Variants in FGGY observed in about 807,000 individuals in gnomAD.
FGGY encodes FGGY carbohydrate kinase domain-containing protein.
FGGY carries 72 observed loss-of-function variants against 71.3 expected under a neutral mutation model. That is an observed-to-expected ratio of 1.01 (90% CI 0.84 to 1.23). FGGY has a LOEUF of 1.23. Among genes scored for constraint, FGGY ranks in the 50% most tolerant of loss-of-function variants. FGGY has a pLI of 0.00. For missense variants in FGGY, 668 were observed against 682.3 expected, an observed-to-expected ratio of 0.98 and a Z score of 0.23; for synonymous variants, 251 against 250.3, an observed-to-expected ratio of 1.00 and a Z score of -0.02.
intron 1 of FGGY, among the ~76,000 whole-genome samples, chr1:59,317,550 A>G (rs1329930221): frequency 6.6e-6 from 1 of 152,234 alleles, no homozygotes; most frequent in Admixed American, 6.5e-5. Flanking sequence ...GCATAAGATT[A>G]GGAGTCTAGG....
At chr1:59,712,430 C>G (rs1315693368) in intron 14 of FGGY, among the ~76,000 whole-genome samples, 1 of 152,226 alleles carries the variant, frequency 6.6e-6, no homozygotes, top group Non-Finnish European at 1.5e-5. Context: ...CTCAGCTCCA[C>G]TAGGCGGTAC....
intron 5 of FGGY, among the ~76,000 whole-genome samples, chr1:59,380,197 CA>C (rs2059234470): frequency 6.6e-6 from 1 of 151,526 alleles, no homozygotes; most frequent in African/African-American, 2.4e-5. Flanking sequence ...GTCTATCATT[CA>C]TGGACATTTG....
At chr1:59,576,669 GACAGACAGACAC>G (rs2096082545) in intron 8 of FGGY, among the ~76,000 whole-genome samples, 16 of 132,584 alleles carry the variant, frequency 1.2e-4, no homozygotes, top group Admixed American at 1.1e-3. Context: ...CAGACAGACA[GACAGACAGACAC>G]ACACACACAC....
intron 6 of FGGY, among the ~76,000 whole-genome samples, chr1:59,472,170 G>C (rs1002009987): frequency 6.6e-6 from 1 of 152,240 alleles, no homozygotes; most frequent in African/African-American, 2.4e-5. Context: ...CAGTGCTTGC[G>C]GGCCAGCGTG....
chr1:59,669,568 A>G (rs151095713), intron 13 of FGGY, among the ~76,000 whole-genome samples: 1 of 78,878 alleles, frequency 1.3e-5, no homozygotes, highest in Non-Finnish European at 2.6e-5. Context: ...TTTTTTTTGT[A>G]TTTTTTGGTA....
At chr1:59,592,473 G>T (rs1022977374) in intron 8 of FGGY, among the ~76,000 whole-genome samples, 1 of 152,178 alleles carries the variant, frequency 6.6e-6, no homozygotes, top group Non-Finnish European at 1.5e-5. Flanking sequence ...CTGGTATAAA[G>T]ACACATGCAC....
At chr1:59,370,876 A>G (rs2057487918) in intron 4 of FGGY, among the ~76,000 whole-genome samples, 1 of 152,200 alleles carries the variant, frequency 6.6e-6, no homozygotes, top group African/African-American at 2.4e-5. Context: ...TGTCACCACC[A>G]GGTCGGACCT....
chr1:59,336,478 A>AT (rs2049531434), intron 2 of FGGY, among the ~76,000 whole-genome samples: 1 of 29,594 alleles, frequency 3.4e-5, no homozygotes, highest in South Asian at 2.2e-3. Flanking sequence ...AAAACCTGCT[A>AT]GTTTTTTTTT....
intron 8 of FGGY, among the ~76,000 whole-genome samples, chr1:59,561,561 C>A (rs896536633): frequency 1.3e-4 from 20 of 152,158 alleles, no homozygotes; most frequent in African/African-American, 4.3e-4. Context: ...AGCACCCTTT[C>A]CTCAATCCTC....
intron 2 of FGGY, 99 bp from the exon 3 acceptor site, chr1:59,339,859 T>G (rs1409210965): frequency 1.5e-6 from 1 of 678,028 alleles, no homozygotes; most frequent in African/African-American, 1.8e-5. Flanking sequence ...TTGTAAAGAT[T>G]TTTTTCTATT....
chr1:59,593,320 C>T (rs150163402), intron 8 of FGGY, among the ~76,000 whole-genome samples: 171 of 152,324 alleles, frequency 1.1e-3, no homozygotes, highest in African/African-American at 3.8e-3. Flanking sequence ...ATCTTCCCAT[C>T]GCCTTCAAGA....
At chr1:59,729,138 C>T (rs2097990373) in intron 14 of FGGY, among the ~76,000 whole-genome samples, 1 of 151,902 alleles carries the variant, frequency 6.6e-6, no homozygotes, top group Admixed American at 6.6e-5. Context: ...TGATTCTTTC[C>T]TTGTCCTTGT....
At chr1:59,498,616 A>C (rs768759997) in intron 6 of FGGY, among the ~76,000 whole-genome samples, 7 of 152,138 alleles carry the variant, frequency 4.6e-5, no homozygotes, top group Non-Finnish European at 7.4e-5. Flanking sequence ...CAGTAGGTCT[A>C]GGGTGGGGAC....
chr1:59,457,269 A>G (rs190990425), intron 6 of FGGY, among the ~76,000 whole-genome samples, 193 bp downstream of exon 6: 7 of 152,322 alleles, frequency 4.6e-5, no homozygotes, highest in East Asian at 1.9e-4. Context: ...TAAGATTTAT[A>G]TGAACTGAGT....
intron 14 of FGGY, among the ~76,000 whole-genome samples, chr1:59,675,660 A>G (rs905462174): frequency 1.3e-5 from 2 of 152,258 alleles, no homozygotes; most frequent in Non-Finnish European, 2.9e-5. Flanking sequence ...TGAAATATCA[A>G]TGAATTGTCA....
At chr1:59,511,366 T>C (rs1181606059) in intron 6 of FGGY, among the ~76,000 whole-genome samples, 1 of 152,128 alleles carries the variant, frequency 6.6e-6, no homozygotes, top group Non-Finnish European at 1.5e-5. Flanking sequence ...AGATTCTATC[T>C]TGGGGCTCAA....
At chr1:59,526,010 C>G (rs976233799) in intron 7 of FGGY, among the ~76,000 whole-genome samples, 8 of 152,126 alleles carry the variant, frequency 5.3e-5, no homozygotes, top group African/African-American at 1.4e-4. Context: ...TGTGTATATA[C>G]TGTGCATGCA....
At chr1:59,604,888 A>C (rs1024828105) in intron 8 of FGGY, among the ~76,000 whole-genome samples, 1 of 152,212 alleles carries the variant, frequency 6.6e-6, no homozygotes. Flanking sequence ...GGACTGCCTC[A>C]TTCATCTCAA....
chr1:59,554,075 CT>C (rs746358582), intron 7 of FGGY, 48 bp from the exon 8 acceptor site: 11 of 1,416,664 alleles, frequency 7.8e-6, no homozygotes, highest in South Asian at 3.7e-5. Context: ...TTCTCTCCCT[CT>C]TTTTTTATGT....
Sources: gnomAD v4.1 joint callset for allele counts (sites outside exome capture counted in the v4.1 genomes callset) on GRCh38, gnomAD v4.1.1 for gene constraint, MANE v1.5 for transcripts, NCBI Gene and HGNC (gene_info 2026-07-23, HGNC 2026-07-21) for gene names.